The following BBS4 variants were observed in gnomAD, a reference collection of about 807,000 sequenced individuals.
BBS4 encodes BBSome complex member BBS4.
In BBS4, 58 loss-of-function variants were observed where a neutral mutation model predicts 71.4. The observed-to-expected ratio is 0.81, with a 90% CI of 0.66 to 1.01. The LOEUF (loss-of-function observed/expected upper bound fraction) is 1.01. BBS4 is among the 50% of genes least tolerant of loss of function. The pLI, the probability that BBS4 is intolerant of heterozygous loss-of-function variation, is 0.00. For synonymous variants in BBS4, 228 were observed against 216.8 expected, an observed-to-expected ratio of 1.05 and a Z score of -0.46; for missense variants, 660 against 607.9, an observed-to-expected ratio of 1.09 and a Z score of -0.90.
At chr15:72,715,459 A>T in intron 5 of BBS4, 57 bp downstream of exon 5, 2 of 1,230,104 alleles carry the variant, frequency 1.6e-6, no homozygotes, top group Non-Finnish European at 2.4e-6. Context: ...TGTAAAATGC[A>T]TTCCTAGGTC....
intron 2 of BBS4, among the ~76,000 whole-genome samples, chr15:72,703,160 C>T (rs974214984): frequency 6.6e-6 from 1 of 152,156 alleles, no homozygotes; most frequent in African/African-American, 2.4e-5. Flanking sequence ...TCCGTGTCAG[C>T]AGTTTCTGGC....
chr15:72,734,689 AGT>A (rs947762645), intron 12 of BBS4, among the ~76,000 whole-genome samples: 1 of 151,634 alleles, frequency 6.6e-6, no homozygotes, highest in African/African-American at 2.4e-5. Context: ...AAGTGGGGGG[AGT>A]GTTTTACTGC....
chr15:72,730,704 C>A (rs1233293033), intron 10 of BBS4, among the ~76,000 whole-genome samples: 1 of 152,130 alleles, frequency 6.6e-6, no homozygotes, highest in Non-Finnish European at 1.5e-5. Context: ...AATGGATGAA[C>A]ATCATTGAGG....
At chr15:72,704,103 A>T (rs529629625) in intron 2 of BBS4, among the ~76,000 whole-genome samples, 3 of 152,146 alleles carry the variant, frequency 2.0e-5, no homozygotes, top group Admixed American at 2.0e-4. Context: ...GCAAGGGAGT[A>T]TTGTTGCTAG....
intron 1 of BBS4, among the ~76,000 whole-genome samples, chr15:72,687,074 C>G (rs1445808814): frequency 6.8e-6 from 1 of 147,950 alleles, no homozygotes; most frequent in Non-Finnish European, 1.5e-5. Flanking sequence ...CTCTCATTTG[C>G]AGAGTAGTCA....
Position 72,731,343 on chromosome 15 carries a change from G to A in BBS4, c.750G>A (p.Gly250=), listed in dbSNP as rs1567429346. The A allele has an allele frequency of 3.7e-6, 6 of 1,614,006 alleles. No homozygotes were observed. Among genetic ancestry groups the A allele is most frequent in the Non-Finnish European group, 5.1e-6 (6 of 1,180,002 alleles). The part of the protein sequence containing the change: ...LAAGSMMQTH[G]DFDVALTKYR... The stretch of plus-strand genomic sequence containing the variant: ...CAGGCAGCATGATGCAGACCCACGG[G>A]GACTTTGATGTTGCCCTCACCAAAT... Residue 250 remains glycine, a synonymous_variant, in exon 11 of 16, where the codon GGG becomes GGA. Coordinates refer to ENST00000268057, the MANE Select transcript of BBS4 (RefSeq NM_033028.5).
rs1327916676 is a variant in BBS4 at position 72,695,199 on chromosome 15, C to G, written c.47C>G (p.Thr16Ser). Reference sequence around the variant, plus strand: ...CAGAGAACTCAATTTCCTGTATCTACTGAGTCTCAAAAACCCCGGCAGAAA... The same window carrying G: ...CAGAGAACTCAATTTCCTGTATCTAGTGAGTCTCAAAAACCCCGGCAGAAA... ...VATRTQFPVS[T>S]ESQKPRQKKA... The change falls in exon 2 of 16, where the codon ACT becomes AGT. Residue 16 changes from threonine to serine, a missense_variant. By Grantham distance (58) the Thr-to-Ser change is moderately conservative. Coordinates refer to ENST00000268057, the MANE Select transcript of BBS4 (RefSeq NM_033028.5). The G allele has an allele frequency of 1.2e-6, 2 of 1,606,498 alleles. No individual in the cohort carries two copies. The highest frequency in any genetic ancestry group is 1.7e-6 in the Non-Finnish European group (2 of 1,173,454).
chr15:72,692,283 A>T (rs2064998315), intron 1 of BBS4, among the ~76,000 whole-genome samples: 1 of 144,702 alleles, frequency 6.9e-6, no homozygotes, highest in African/African-American at 2.6e-5. Flanking sequence ...ATTATGTCTT[A>T]ATGTGATAAT....
At chr15:72,701,930 C>T (rs571125957) in intron 2 of BBS4, among the ~76,000 whole-genome samples, 12 of 152,164 alleles carry the variant, frequency 7.9e-5, no homozygotes, top group South Asian at 6.2e-4. Flanking sequence ...CTTTGCCTCC[C>T]GGATTCAAGC....
At position 72,731,414 on chromosome 15, in the gene BBS4, A is replaced by G. The variant is rs780535373; in HGVS notation, c.821A>G (p.Asn274Ser). The change falls in exon 11 of 16, where the codon AAT becomes AGT. Residue 274 changes from asparagine (N) to serine (S), a missense_variant. Coordinates refer to ENST00000268057, the MANE Select transcript of BBS4 (RefSeq NM_033028.5). ...CAVPESPPLW[N>S]NIGMCFFGKK... ...GTTCCAGAAAGTCCTCCACTCTGGA[A>G]TAACATTGGAATGTGTTTCTTTGGC... 4.8e-5 allele frequency: 78 copies of G among 1,614,090 alleles called. No individual in the cohort carries two copies. Among genetic ancestry groups the G allele is most frequent in the Middle Eastern group, 1.6e-4 (1 of 6,084 alleles).
chr15:72,727,391 G>A (rs1275855563), intron 8 of BBS4, among the ~76,000 whole-genome samples: 1 of 152,116 alleles, frequency 6.6e-6, no homozygotes, highest in African/African-American at 2.4e-5. Context: ...ACTCCCAAAG[G>A]TCAGTAGCAC....
intron 2 of BBS4, among the ~76,000 whole-genome samples, chr15:72,706,131 C>CTATT (rs754554299): frequency 6.6e-6 from 1 of 151,844 alleles, no homozygotes; most frequent in Non-Finnish European, 1.5e-5. Context: ...TGTCCCAGAA[C>CTATT]TATTTATTTA....
chr15:72,711,538 G>C (rs1173054168), intron 3 of BBS4, among the ~76,000 whole-genome samples: 1 of 152,182 alleles, frequency 6.6e-6, no homozygotes, highest in Non-Finnish European at 1.5e-5. Context: ...TGCCTAGTTA[G>C]ATTTTAGACA....
intron 2 of BBS4, among the ~76,000 whole-genome samples, chr15:72,707,196 G>A (rs1479456487): frequency 1.8e-5 from 1 of 55,556 alleles, no homozygotes; most frequent in South Asian, 6.1e-4. Context: ...TTTTTTTTTT[G>A]GAGACAGAAT....
At chr15:72,695,501 G>C (rs1012152479) in intron 2 of BBS4, among the ~76,000 whole-genome samples, 41 of 152,112 alleles carry the variant, frequency 2.7e-4, no homozygotes, top group Admixed American at 5.9e-4. Context: ...TTGCCAGGCT[G>C]GTCTCGAACT....
In BBS4 at chr15:72,735,932, T is replaced by C; in HGVS notation, c.1214T>C (p.Leu405Pro). ...GAGATGGAGAAGAAAGTCAGCCTAC[T>C]CAAGGACAATAGCTCTCTGGAATTT... is the stretch of plus-strand genomic sequence containing the variant. ...YQEMEKKVSL[L>P]KDNSSLEFDS... Residue 405 changes from leucine (L) to proline (P), a missense_variant, in exon 14 of 16, where the codon CTC (leucine) becomes CCC (proline). Coordinates refer to ENST00000268057, the MANE Select transcript of BBS4 (RefSeq NM_033028.5). 1 of 1,614,132 alleles carries C rather than the reference T, an allele frequency of 6.2e-7. No individual in the cohort carries two copies. The highest frequency in any genetic ancestry group is 8.5e-7 in the Non-Finnish European group (1 of 1,180,010).
chr15:72,712,188 A>C (rs2065385042), intron 3 of BBS4, 56 bp from the exon 4 acceptor site: 2 of 1,543,706 alleles, frequency 1.3e-6, no homozygotes, highest in South Asian at 2.3e-5. Context: ...ACTTTTTCTT[A>C]AAGACACCTG....
chr15:72,709,627 T>TAGACATGAGGA (rs2065329248), intron 2 of BBS4, 73 bp from the exon 3 acceptor site: 1 of 1,073,038 alleles, frequency 9.3e-7, no homozygotes, highest in Non-Finnish European at 1.4e-6. Flanking sequence ...ATGGTTAGTT[T>TAGACATGAGGA]AGACATGAGG....
At chr15:72,687,973 G>A (rs1162400649) in intron 1 of BBS4, among the ~76,000 whole-genome samples, 1 of 150,256 alleles carries the variant, frequency 6.7e-6, no homozygotes, top group Non-Finnish European at 1.5e-5. Context: ...AATGTTACTG[G>A]GTTTTAAATA....
Sources: gnomAD v4.1 joint callset for allele counts (sites outside exome capture counted in the v4.1 genomes callset) on GRCh38, gnomAD v4.1.1 for gene constraint, MANE v1.5 for transcripts, NCBI Gene and HGNC (gene_info 2026-07-23, HGNC 2026-07-21) for gene names.